RELN: variants seen among roughly 807,000 people sequenced by gnomAD.
RELN encodes the protein reelin.
RELN carries 108 observed loss-of-function variants against 427.6 expected under a neutral mutation model. The observed-to-expected ratio is 0.25, with a 90% CI of 0.22 to 0.30. RELN has a LOEUF of 0.30. Ranked by LOEUF, RELN falls within the 10% of genes least tolerant of loss-of-function variation. The pLI is 1.00. For synonymous variants in RELN, 1,524 were observed against 1,513.4 expected (o/e 1.01, Z -0.16); for missense variants, 3,715 against 4,302.8 (o/e 0.86, Z 3.82).
intron 1 of RELN, among the ~76,000 whole-genome samples, chr7:103,952,062 T>C (rs1374015992): frequency 6.6e-6 from 1 of 152,284 alleles, no homozygotes; most frequent in East Asian, 1.9e-4. Context: ...TTATTTTGGG[T>C]ACTCAAACAT....
At chr7:103,721,842 G>T (rs991612138) in intron 8 of RELN, among the ~76,000 whole-genome samples, 1 of 151,978 alleles carries the variant, frequency 6.6e-6, no homozygotes, top group South Asian at 2.1e-4. Context: ...AATTAAACAC[G>T]TTTATTGTGA....
chr7:103,680,835 G>A (rs982791531), intron 11 of RELN, among the ~76,000 whole-genome samples: 7 of 152,086 alleles, frequency 4.6e-5, no homozygotes, highest in African/African-American at 1.4e-4. Context: ...AGAAAAGGCC[G>A]TGTGGGCTAA....
chr7:103,847,636 AGAG>A (rs771132668), intron 2 of RELN, among the ~76,000 whole-genome samples: 78 of 152,294 alleles, frequency 5.1e-4, no homozygotes, highest in Admixed American at 2.8e-3. Context: ...CAGAGAGAAG[AGAG>A]GAGAAGAGAC....
intron 2 of RELN, among the ~76,000 whole-genome samples, chr7:103,853,606 T>C (rs1290645429): frequency 6.6e-6 from 1 of 152,036 alleles, no homozygotes; most frequent in Non-Finnish European, 1.5e-5. Flanking sequence ...TTATTTCACC[T>C]ACAGTTTCTA....
intron 17 of RELN, among the ~76,000 whole-genome samples, chr7:103,639,231 T>C (rs1418789961): frequency 1.3e-5 from 2 of 152,158 alleles, no homozygotes; most frequent in Non-Finnish European, 2.9e-5. Flanking sequence ...GAAATATAGA[T>C]GGAAGCTTTT....
chr7:103,733,878 C>A (rs970150690), intron 6 of RELN, among the ~76,000 whole-genome samples: 3 of 151,726 alleles, frequency 2.0e-5, no homozygotes, highest in Non-Finnish European at 4.4e-5. Context: ...CAGCATGGCA[C>A]ATGTATACGT....
intron 1 of RELN, among the ~76,000 whole-genome samples, chr7:103,918,518 G>T (rs1795538672): frequency 6.6e-6 from 1 of 152,058 alleles, no homozygotes. Context: ...GCTCCCCTCA[G>T]ATCCCAAAGT....
At chr7:103,511,044 A>AC (rs1275997558) in intron 50 of RELN, 39 bp from the exon 51 acceptor site, 1 of 1,546,328 alleles carries the variant, frequency 6.5e-7, no homozygotes, top group Non-Finnish European at 8.9e-7. Context: ...CAAATTTGTG[A>AC]CAAAAATACT....
intron 3 of RELN, among the ~76,000 whole-genome samples, chr7:103,812,586 C>G (rs374601221): frequency 2.0e-5 from 3 of 152,314 alleles, no homozygotes; most frequent in South Asian, 4.1e-4. Flanking sequence ...CAGTTTATAG[C>G]TGGCTAGCAC....
Position 103,604,280 on chromosome 7 carries a change from C to G in RELN, c.3146+66G>C, listed in dbSNP as rs979848715. ...ATCCATGTCACTCTGATGACAACTG[C>G]TGTGGTATCCTCCAGCCACAAATCT... On this transcript the variant is annotated intron_variant, in intron 23 of 64. Coordinates refer to ENST00000428762, the MANE Select transcript of RELN (RefSeq NM_005045.4). 4 of 1,591,474 alleles carry G rather than the reference C, an allele frequency of 2.5e-6. No individual in the cohort carries two copies. The African/African-American group carries it at 4.0e-5, about 16-fold the overall frequency.
At chr7:103,611,887 C>G in intron 20 of RELN, 84 bp from the exon 21 acceptor site, 2 of 1,057,104 alleles carry the variant, frequency 1.9e-6, no homozygotes, top group Non-Finnish European at 2.9e-6. Context: ...ACACTATATA[C>G]CAAAATAATT....
At position 103,570,964 on chromosome 7, in the gene RELN, A is replaced by G. The variant is rs187531117; in HGVS notation, c.4588+1220T>C. 3.5e-3 allele frequency among the ~76,000 whole-genome samples: 527 copies of G among 152,350 alleles called. 2 individuals carry two copies. Among genetic ancestry groups the G allele is most frequent in the African/African-American group, 0.012 (508 of 41,576 alleles). ...ATGTCTGGCTTAGAACAGATTCTTA[A>G]TAAATATTTATTGAAGAGATTAGGG... On this transcript the variant is annotated intron_variant, in intron 31 of 64. Transcript: ENST00000428762.
chr7:103,876,771 A>C (rs2283030), intron 2 of RELN, among the ~76,000 whole-genome samples: 21,931 of 150,766 alleles, frequency 0.15, 1,876 homozygotes, highest in East Asian at 0.36. Flanking sequence ...ACATGATAAA[A>C]TGTCTGCTCT....
intron 1 of RELN, among the ~76,000 whole-genome samples, chr7:103,942,452 T>C (rs1202251820): frequency 1.3e-5 from 2 of 152,242 alleles, no homozygotes; most frequent in African/African-American, 2.4e-5. Context: ...CCTAGCTCAA[T>C]GATTCTCAAA....
intron 6 of RELN, among the ~76,000 whole-genome samples, chr7:103,740,622 T>G (rs1384013944): frequency 1.3e-5 from 2 of 152,246 alleles, no homozygotes; most frequent in Admixed American, 6.5e-5. Flanking sequence ...TCATTTTTTA[T>G]GTACATGTAC....
At chr7:103,934,226 T>G (rs1175073912) in intron 1 of RELN, among the ~76,000 whole-genome samples, 2 of 152,188 alleles carry the variant, frequency 1.3e-5, no homozygotes, top group South Asian at 2.1e-4. Context: ...TTTCCCACTG[T>G]GGTTGTTTCT....
intron 31 of RELN, among the ~76,000 whole-genome samples, chr7:103,570,864 T>C (rs1830867459): frequency 6.6e-6 from 1 of 152,214 alleles, no homozygotes; most frequent in African/African-American, 2.4e-5. Flanking sequence ...ATTATTATTA[T>C]TGCAGCATAA....
intron 3 of RELN, among the ~76,000 whole-genome samples, chr7:103,779,685 CTT>C (rs1791837192): frequency 1.3e-5 from 2 of 152,132 alleles, no homozygotes; most frequent in African/African-American, 4.8e-5. Flanking sequence ...CTTTCAATCT[CTT>C]TTCAGAGGAA....
chr7:103,740,277 G>C (rs1790608477), intron 6 of RELN, among the ~76,000 whole-genome samples: 1 of 152,162 alleles, frequency 6.6e-6, no homozygotes, highest in Non-Finnish European at 1.5e-5. Flanking sequence ...TCAAGTTTCT[G>C]GACAGAATTC....
Sources: allele counts gnomAD v4.1 joint callset (sites outside exome capture counted in the v4.1 genomes callset), GRCh38; gene constraint gnomAD v4.1.1; transcripts MANE v1.5; gene names NCBI Gene and HGNC (gene_info 2026-07-23, HGNC 2026-07-21).